The following PCDHGA12 variants were observed in gnomAD, a reference collection of about 807,000 sequenced individuals.
PCDHGA12 encodes the protein protocadherin gamma-A12.
A neutral mutation model predicts 61.1 loss-of-function variants in PCDHGA12; 43 were observed. That is an observed-to-expected ratio of 0.70 (90% confidence interval 0.55 to 0.91). PCDHGA12 has a LOEUF of 0.91. Among genes scored for constraint, PCDHGA12 ranks in the 40% least tolerant of loss-of-function variants. The pLI, the probability that PCDHGA12 is intolerant of heterozygous loss-of-function variation, is 0.00. For synonymous variants in PCDHGA12, 520 were observed against 542.9 expected, an observed-to-expected ratio of 0.96 and a Z score of 0.59; for missense variants, 1,236 against 1,227.7, an observed-to-expected ratio of 1.01 and a Z score of -0.10.
chr5:141,477,263 G>A lies in PCDHGA12; in HGVS notation c.2425-17544G>A, dbSNP rs543767777. 1.4e-5 allele frequency: 23 copies of A among 1,614,192 alleles called. No individual in the cohort carries two copies. The highest frequency in any genetic ancestry group is 1.8e-5 in the Non-Finnish European group (21 of 1,180,046). On this transcript the variant is annotated intron_variant, in intron 1 of 3. Transcript: ENST00000252085. The surrounding 1 kb of genome is among the most constrained non-coding windows in gnomAD (Gnocchi z 4.9). The stretch of plus-strand genomic sequence containing the variant: ...CAGTGTGACTGACCTGGATGCTGGC[G>A]AGAACGGGCTGGTGACCTGCGAAGT...
chr5:141,471,630 G>T (rs2099261496), intron 1 of PCDHGA12: 1 of 152,108 alleles, frequency 6.6e-6, no homozygotes, highest in African/African-American at 2.4e-5. Context: ...GCATTGGTAT[G>T]GATTAGTAAT....
chr5:141,452,652 C>T (rs1420422511), intron 1 of PCDHGA12, among the ~76,000 whole-genome samples: 1 of 151,916 alleles, frequency 6.6e-6, no homozygotes. Flanking sequence ...TCATTTGCTC[C>T]ATCCACTGCA....
chr5:141,504,790 CT>C (rs1204741124), intron 2 of PCDHGA12, among the ~76,000 whole-genome samples: 15 of 152,080 alleles, frequency 9.9e-5, no homozygotes, highest in Admixed American at 3.9e-4. Context: ...TTGGGGCCTC[CT>C]ACATCTCCCC....
intron 1 of PCDHGA12, among the ~76,000 whole-genome samples, chr5:141,435,232 G>A (rs1317217213): frequency 6.6e-6 from 1 of 152,062 alleles, no homozygotes; most frequent in Non-Finnish European, 1.5e-5. Context: ...TCAAAGTTCA[G>A]TAATTCTTTC....
Position 141,489,161 on chromosome 5 carries a change from A to T in PCDHGA12, c.2425-5646A>T. ...GCTGGAAGGAGACATAAGAGACTTC[A>T]GCTGCTGCATTCCAAGCCCTGGGTC... On this transcript the variant is annotated intron_variant, in intron 1 of 3. Coordinates refer to ENST00000252085, the MANE Select transcript of PCDHGA12 (RefSeq NM_003735.3). The surrounding 1 kb of genome is among the most constrained non-coding windows in gnomAD (Gnocchi z 4.5). 1.9e-6 allele frequency: 2 copies of T among 1,040,278 alleles called. No individual in the cohort carries two copies. The highest frequency in any genetic ancestry group is 2.8e-6 in the Non-Finnish European group (2 of 709,676). 64.4% of individuals were successfully genotyped at this position (1,040,278 alleles called of 1,614,324 possible).
Position 141,485,943 on chromosome 5 carries a change from C to A in PCDHGA12, c.2425-8864C>A, listed in dbSNP as rs750871245. The A allele has an allele frequency of 1.9e-6, 3 of 1,614,126 alleles. No individual in the cohort carries two copies. Among genetic ancestry groups the A allele is most frequent in the Non-Finnish European group, 1.7e-6 (2 of 1,180,012 alleles). ...ATTAGTGTGTTGGAGAGCGCACCAG[C>A]GGGCATGGTGCTCATCCAGCTCAAT... is the stretch of plus-strand genomic sequence containing the variant. On this transcript the variant is annotated intron_variant, in intron 1 of 3. Coordinates refer to ENST00000252085, the MANE Select transcript of PCDHGA12 (RefSeq NM_003735.3). The surrounding 1 kb of genome is among the most constrained non-coding windows in gnomAD (Gnocchi z 5.7).
rs1041367498 is a variant in PCDHGA12 at position 141,489,060 on chromosome 5, T to G, written c.2425-5747T>G. ...CAGCTCCACTCAAATTCAGCTCCCCTCCCCCCTGCCCACCCCCGCCACTCG... is the reference window on the plus strand; with the variant it reads ...CAGCTCCACTCAAATTCAGCTCCCCGCCCCCCTGCCCACCCCCGCCACTCG... On this transcript the variant is annotated intron_variant, in intron 1 of 3. Transcript: ENST00000252085. This position sits in a 1 kb window ranked among gnomAD's most constrained non-coding sequence, Gnocchi z 4.5. The G allele has an allele frequency of 1.7e-5, 5 of 300,224 alleles. No individual in the cohort carries two copies. The highest frequency in any genetic ancestry group is 2.4e-5 in the African/African-American group (1 of 42,484). The allele number at this position is 300,224 out of a possible 1,614,324, so 18.6% of individuals were successfully genotyped here.
rs1263728099 is a variant in PCDHGA12, at chr5:141,476,079, G to T, written c.2425-18728G>T. Reference sequence around the variant, plus strand: ...AGTTTCTCAGCGAAATCTCAGGGACGATCTGGACCCCGCTGAGAGGAACTG... The same window carrying T: ...AGTTTCTCAGCGAAATCTCAGGGACTATCTGGACCCCGCTGAGAGGAACTG... On this transcript the variant is annotated intron_variant, in intron 1 of 3. Coordinates refer to ENST00000252085, the MANE Select transcript of PCDHGA12 (RefSeq NM_003735.3). This position sits in a 1 kb window ranked among gnomAD's most constrained non-coding sequence, Gnocchi z 7.6. 3 of 1,537,560 alleles carry T rather than the reference G, an allele frequency of 2.0e-6. No homozygotes were observed. Among genetic ancestry groups the T allele is most frequent in the African/African-American group, 1.4e-5 (1 of 72,808 alleles).
chr5:141,449,804 T>C (rs991937787), intron 1 of PCDHGA12, among the ~76,000 whole-genome samples: 2 of 151,676 alleles, frequency 1.3e-5, no homozygotes, highest in Non-Finnish European at 2.9e-5. Flanking sequence ...AAATACCTCA[T>C]TGTGTATTTC....
intron 1 of PCDHGA12, among the ~76,000 whole-genome samples, chr5:141,460,407 TTG>T: frequency 6.6e-6 from 1 of 152,188 alleles, no homozygotes; most frequent in Non-Finnish European, 1.5e-5. Flanking sequence ...TCCTTTTGAG[TTG>T]ATGTTTATGT....
At chr5:141,501,871 C>T (rs562714939) in intron 2 of PCDHGA12, among the ~76,000 whole-genome samples, 3 of 152,244 alleles carry the variant, frequency 2.0e-5, no homozygotes, top group African/African-American at 7.2e-5. Context: ...CAGGACGCCT[C>T]CTTACACTCC....
chr5:141,431,768 G>T lies in PCDHGA12; in HGVS notation c.1009G>T (p.Val337Phe). 6.2e-7 allele frequency: 1 copy of T among 1,614,218 alleles called. No individual in the cohort carries two copies. The highest frequency in any genetic ancestry group is 8.5e-7 in the Non-Finnish European group (1 of 1,180,036). The change falls in exon 1 of 4, where the codon GTT (valine) becomes TTT (phenylalanine). Residue 337 changes from valine (V) to phenylalanine (F), a missense_variant. Coordinates refer to ENST00000252085, the MANE Select transcript of PCDHGA12 (RefSeq NM_003735.3). The surrounding 1 kb of genome is among the most constrained non-coding windows in gnomAD (Gnocchi z 4.8). ...TGCGCGAGCCAAAGTCCTGATCACT[G>T]TTCTGGACGTGAACGACAATGCCCC... ...YSARAKVLIT[V>F]LDVNDNAPEV...
In PCDHGA12 at chr5:141,486,675, A is replaced by T; in HGVS notation, c.2425-8132A>T. On this transcript the variant is annotated intron_variant, in intron 1 of 3. Coordinates refer to ENST00000252085, the MANE Select transcript of PCDHGA12 (RefSeq NM_003735.3). The surrounding 1 kb of genome is among the most constrained non-coding windows in gnomAD (Gnocchi z 5.0). ...TCACTCCTGGAGCCCAGGAATCGAGATGTATCAGCTTCCTCTTTCATCTCT... is the reference window on the plus strand; with the variant it reads ...TCACTCCTGGAGCCCAGGAATCGAGTTGTATCAGCTTCCTCTTTCATCTCT... The T allele has an allele frequency of 6.2e-7, 1 of 1,614,056 alleles. No individual in the cohort carries two copies. The highest frequency in any genetic ancestry group is 8.5e-7 in the Non-Finnish European group (1 of 1,180,016).
chr5:141,478,736 T>C (rs2099474016), intron 1 of PCDHGA12: 1 of 1,534,678 alleles, frequency 6.5e-7, no homozygotes, highest in African/African-American at 1.4e-5. Flanking sequence ...GTGTGGTTTG[T>C]GGTCCCATTT....
Position 141,485,444 on chromosome 5 carries a change from G to T in PCDHGA12, c.2425-9363G>T. 1 of 1,614,108 alleles carries T rather than the reference G, an allele frequency of 6.2e-7. No homozygotes were observed. The highest frequency in any genetic ancestry group is 8.5e-7 in the Non-Finnish European group (1 of 1,180,020). ...AGCCCTGCTCATCAAGAACCCAATC[G>T]ACCGAGAGGCACTGTGTGGGCTCAG... is the stretch of plus-strand genomic sequence containing the variant. On this transcript the variant is annotated intron_variant, in intron 1 of 3. Coordinates refer to ENST00000252085, the MANE Select transcript of PCDHGA12 (RefSeq NM_003735.3). This position sits in a 1 kb window ranked among gnomAD's most constrained non-coding sequence, Gnocchi z 5.7.
chr5:141,472,542 G>GA (rs904556404), intron 1 of PCDHGA12, among the ~76,000 whole-genome samples: 21 of 147,124 alleles, frequency 1.4e-4, no homozygotes, highest in Admixed American at 7.4e-4. Flanking sequence ...ACCATCTCAA[G>GA]AAAAAAAAAA....
chr5:141,482,622 A>G (rs1197606374), intron 1 of PCDHGA12, among the ~76,000 whole-genome samples: 1 of 151,936 alleles, frequency 6.6e-6, no homozygotes, highest in Non-Finnish European at 1.5e-5. Context: ...AGCCTGGAGA[A>G]AGGAAGAAAT....
At chr5:141,461,603 G>A (rs1413122199) in intron 1 of PCDHGA12, among the ~76,000 whole-genome samples, 8 of 152,092 alleles carry the variant, frequency 5.3e-5, no homozygotes, top group African/African-American at 1.9e-4. Context: ...TTATAATTTA[G>A]TTCAAAGTAT....
Position 141,477,968 on chromosome 5 carries a change from C to T in PCDHGA12, c.2425-16839C>T. 6.2e-7 allele frequency: 1 copy of T among 1,614,140 alleles called. No individual in the cohort carries two copies. Among genetic ancestry groups the T allele is most frequent in the Non-Finnish European group, 8.5e-7 (1 of 1,180,042 alleles). The stretch of plus-strand genomic sequence containing the variant: ...TCTCTTGGGATCCCCTAACCAGAGC[C>T]TTTTTGCCATAGGGCTGCACACTGG... On this transcript the variant is annotated intron_variant, in intron 1 of 3. Transcript: ENST00000252085. The surrounding 1 kb of genome is among the most constrained non-coding windows in gnomAD (Gnocchi z 4.9).
Sources: gnomAD v4.1 joint callset for allele counts (sites outside exome capture counted in the v4.1 genomes callset) on GRCh38, gnomAD v4.1.1 for gene constraint, Gnocchi (gnomAD v3.1) non-coding constraint, MANE v1.5 for transcripts, NCBI Gene and HGNC (gene_info 2026-07-23, HGNC 2026-07-21) for gene names.